Variants in DLG2 observed in about 807,000 individuals in gnomAD.
The protein encoded by DLG2 is discs large MAGUK scaffold protein 2.
DLG2 carries 45 observed loss-of-function variants against 132.5 expected under a neutral mutation model. The observed-to-expected ratio is 0.34, with a 90% CI of 0.27 to 0.44. DLG2 has a LOEUF of 0.44. DLG2 is among the 20% of genes least tolerant of loss of function. The probability of loss-of-function intolerance (pLI) is 1.00; values close to 1 mark genes in which losing one functional copy is unlikely to be tolerated. For synonymous variants in DLG2, 424 were observed against 419.6 expected, an observed-to-expected ratio of 1.01 and a Z score of -0.13; for missense variants, 1,045 against 1,196.9, an observed-to-expected ratio of 0.87 and a Z score of 1.87.
chr11:83,662,500 T>C (rs1429761001), intron 18 of DLG2, among the ~76,000 whole-genome samples: 1 of 152,162 alleles, frequency 6.6e-6, no homozygotes, highest in Non-Finnish European at 1.5e-5. Flanking sequence ...AGGGAACAAA[T>C]ACTTCTAAGG....
At chr11:83,498,997 T>C (rs942016028) in intron 21 of DLG2, among the ~76,000 whole-genome samples, 1 of 151,852 alleles carries the variant, frequency 6.6e-6, no homozygotes, top group African/African-American at 2.4e-5. Flanking sequence ...ACTACCAAAA[T>C]TGAATCAAGA....
intron 15 of DLG2, among the ~76,000 whole-genome samples, chr11:83,892,128 A>G (rs2070106060): frequency 6.6e-6 from 1 of 152,204 alleles, no homozygotes; most frequent in Non-Finnish European, 1.5e-5. Flanking sequence ...TTTCGGTTGA[A>G]TATGTTCCAA....
At chr11:83,572,135 T>A (rs11233680) in intron 19 of DLG2, among the ~76,000 whole-genome samples, 6,689 of 152,148 alleles carry the variant, frequency 0.044, 179 homozygotes, top group South Asian at 0.11. Context: ...ATAGTAAACA[T>A]TTTTTAATGT....
At chr11:84,438,486 TAAAA>T (rs57313257) in intron 7 of DLG2, among the ~76,000 whole-genome samples, 1 of 151,850 alleles carries the variant, frequency 6.6e-6, no homozygotes, top group Non-Finnish European at 1.5e-5. Context: ...AAATAAAAAA[TAAAA>T]AAACCCAGGT....
intron 6 of DLG2, among the ~76,000 whole-genome samples, chr11:85,096,729 C>A (rs1269397074): frequency 1.3e-5 from 2 of 152,246 alleles, no homozygotes; most frequent in South Asian, 4.1e-4. Flanking sequence ...TATCACCAAG[C>A]GATGAGTACC....
intron 3 of DLG2, among the ~76,000 whole-genome samples, chr11:85,298,901 A>T (rs542579234): frequency 6.6e-6 from 1 of 152,296 alleles, no homozygotes; most frequent in South Asian, 2.1e-4. Context: ...TAAGTGCTGT[A>T]CTGTACTTTC....
chr11:84,346,186 T>C (rs2154409001), intron 7 of DLG2, among the ~76,000 whole-genome samples: 1 of 152,346 alleles, frequency 6.6e-6, no homozygotes, highest in South Asian at 2.1e-4. Flanking sequence ...AGTCATATAG[T>C]GCAAAGTATT....
intron 6 of DLG2, among the ~76,000 whole-genome samples, chr11:84,843,290 T>TAAA (rs71036446): frequency 9.7e-5 from 14 of 144,826 alleles, no homozygotes; most frequent in African/African-American, 3.5e-4. Context: ...ATAGTACTGT[T>TAAA]AAAAAAAAAA....
intron 6 of DLG2, among the ~76,000 whole-genome samples, chr11:85,068,756 C>A (rs949066114): frequency 6.6e-6 from 1 of 152,052 alleles, no homozygotes; most frequent in African/African-American, 2.4e-5. Context: ...AATGCCATCC[C>A]CATCAAGCTA....
At chr11:84,273,021 G>A (rs2097748179) in intron 7 of DLG2, 1 of 754,038 alleles carries the variant, frequency 1.3e-6, no homozygotes, top group Non-Finnish European at 1.9e-6. Context: ...TAGCCTGAAT[G>A]AGAACTACAG....
At chr11:84,179,499 C>G (rs932815680) in intron 8 of DLG2, among the ~76,000 whole-genome samples, 2 of 152,080 alleles carry the variant, frequency 1.3e-5, no homozygotes, top group Middle Eastern at 3.2e-3. Context: ...TTGTTAGATG[C>G]TCAATGTGAA....
intron 7 of DLG2, among the ~76,000 whole-genome samples, chr11:84,333,427 TTTTTG>T (rs781404609): frequency 2.6e-5 from 4 of 152,206 alleles, no homozygotes; most frequent in Non-Finnish European, 5.9e-5. Flanking sequence ...CACAGTTTCT[TTTTTG>T]TTACATTACT....
intron 4 of DLG2, among the ~76,000 whole-genome samples, chr11:85,159,137 C>G (rs1487797628): frequency 6.6e-6 from 1 of 152,164 alleles, no homozygotes; most frequent in African/African-American, 2.4e-5. Flanking sequence ...TCAGGGATTA[C>G]TGGACACTGG....
intron 10 of DLG2, among the ~76,000 whole-genome samples, chr11:84,074,163 A>C (rs909933937): frequency 1.3e-5 from 2 of 152,230 alleles, no homozygotes; most frequent in African/African-American, 4.8e-5. Flanking sequence ...ATTTCCCTGC[A>C]CTAGAATATA....
At chr11:85,074,824 A>T (rs1229614232) in intron 6 of DLG2, among the ~76,000 whole-genome samples, 3 of 151,878 alleles carry the variant, frequency 2.0e-5, no homozygotes, top group Non-Finnish European at 1.5e-5. Context: ...TGCATGAAAA[A>T]CAGTATGTGC....
chr11:84,121,629 T>G lies in DLG2; in HGVS notation c.625-22582A>C, dbSNP rs567944016. Among the ~76,000 whole-genome samples the G allele has an allele frequency of 2.6e-3, 378 of 146,702 alleles. 1 individual carries two copies. Among genetic ancestry groups the G allele is most frequent in the Non-Finnish European group, 4.8e-3 (323 of 67,232 alleles). On this transcript the variant is annotated intron_variant, in intron 9 of 27. Coordinates refer to ENST00000376104, the MANE Select transcript of DLG2 (RefSeq NM_001142699.3). Reference sequence around the variant, plus strand: ...CAGGCTGGAGTGCAGTGGCACGATCTCGGCTCACTGCAAGTTCCGCCTCCC... The same window carrying G: ...CAGGCTGGAGTGCAGTGGCACGATCGCGGCTCACTGCAAGTTCCGCCTCCC...
intron 6 of DLG2, among the ~76,000 whole-genome samples, chr11:85,001,619 A>C (rs1251150403): frequency 6.6e-6 from 1 of 152,176 alleles, no homozygotes; most frequent in Non-Finnish European, 1.5e-5. Context: ...ATTACTGATA[A>C]ATGGGAAGAG....
intron 6 of DLG2, among the ~76,000 whole-genome samples, chr11:85,087,815 G>A (rs1300605449): frequency 6.7e-5 from 9 of 134,760 alleles, no homozygotes; most frequent in Non-Finnish European, 1.3e-4. Flanking sequence ...TCCGCAGTCC[G>A]GCCTGGGCGA....
At chr11:84,898,492 G>C (rs551651443) in intron 6 of DLG2, among the ~76,000 whole-genome samples, 1 of 152,070 alleles carries the variant, frequency 6.6e-6, no homozygotes, top group African/African-American at 2.4e-5. Flanking sequence ...CTTCATGTGA[G>C]AGTAAACTAG....
Sources: allele counts gnomAD v4.1 joint callset (sites outside exome capture counted in the v4.1 genomes callset), GRCh38; gene constraint gnomAD v4.1.1; transcripts MANE v1.5; gene names NCBI Gene and HGNC (gene_info 2026-07-23, HGNC 2026-07-21).